PKNOX2: variants seen among roughly 807,000 people sequenced by gnomAD.
PKNOX2 encodes the protein PBX/knotted 1 homeobox 2, also known as homeobox protein PKNOX2.
A neutral mutation model predicts 53.1 loss-of-function variants in PKNOX2; 14 were observed. The ratio of observed to expected loss-of-function variants is 0.26; its 90% confidence interval spans 0.17 to 0.41. The LOEUF is 0.41. Among genes scored for constraint, PKNOX2 ranks in the 10% least tolerant of loss-of-function variants. PKNOX2 has a pLI of 1.00. For synonymous variants in PKNOX2, 257 were observed against 242.8 expected (o/e 1.06, Z -0.54); for missense variants, 496 against 602.8 (o/e 0.82, Z 1.85).
intron 10 of PKNOX2, among the ~76,000 whole-genome samples, 184 bp from the exon 11 acceptor site, chr11:125,428,828 G>A (rs930076720): frequency 2.0e-5 from 3 of 152,168 alleles, no homozygotes; most frequent in Admixed American, 6.5e-5. Flanking sequence ...CGGGCATGGG[G>A]CAACCTTCCT....
intron 1 of PKNOX2, among the ~76,000 whole-genome samples, chr11:125,187,955 A>G (rs1956557259): frequency 6.6e-6 from 1 of 152,228 alleles, no homozygotes; most frequent in Non-Finnish European, 1.5e-5. Flanking sequence ...GAAAATACCA[A>G]TTTCATGGGA....
intron 2 of PKNOX2, among the ~76,000 whole-genome samples, chr11:125,267,488 G>T (rs1945446891): frequency 6.6e-6 from 1 of 152,242 alleles, no homozygotes; most frequent in South Asian, 2.1e-4. Flanking sequence ...GGGAGAGGAA[G>T]AAGCTACTGC....
At chr11:125,314,809 C>T (rs540938375) in intron 2 of PKNOX2, among the ~76,000 whole-genome samples, 86 of 152,232 alleles carry the variant, frequency 5.6e-4, no homozygotes, top group Non-Finnish European at 1.0e-3. Context: ...GACCCAGCCC[C>T]GGGGCAGCCC....
chr11:125,324,018 A>T (rs1192003737), intron 2 of PKNOX2, among the ~76,000 whole-genome samples: 1 of 152,238 alleles, frequency 6.6e-6, no homozygotes, highest in African/African-American at 2.4e-5. Context: ...AAGCAATATT[A>T]TCAGAGCCTG....
chr11:125,403,116 G>T (rs1405200788), intron 7 of PKNOX2, among the ~76,000 whole-genome samples: 1 of 152,186 alleles, frequency 6.6e-6, no homozygotes, highest in African/African-American at 2.4e-5. Flanking sequence ...CTAGAGAGGA[G>T]ATGGGGTGAA....
chr11:125,411,286 C>T (rs1955495429), intron 9 of PKNOX2: 2 of 314,082 alleles, frequency 6.4e-6, no homozygotes, highest in Non-Finnish European at 1.2e-5. Flanking sequence ...GGATTAATAG[C>T]AACTGCACAC....
rs539654791 is a variant in PKNOX2 at position 125,305,094 on chromosome 11, C to T, written c.-129-26725C>T. On this transcript the variant is annotated intron_variant, in intron 2 of 12. Transcript: ENST00000298282. ...CTGGCCCAGCGCCACACACTCACCT[C>T]GTCTTGAAGATGGACAAGACACCCA... is the stretch of plus-strand genomic sequence containing the variant. Among the ~76,000 whole-genome samples, 5 of 152,328 alleles carry T rather than the reference C, an allele frequency of 3.3e-5. 1 individual carries two copies. In the South Asian group the frequency reaches 8.3e-4, roughly 25 times the overall value.
chr11:125,330,793 T>C (rs1231520712), intron 2 of PKNOX2, among the ~76,000 whole-genome samples: 1 of 152,250 alleles, frequency 6.6e-6, no homozygotes, highest in Non-Finnish European at 1.5e-5. Context: ...GCTCCCGGCC[T>C]GGCCCACTGT....
rs1280907864 is a variant in PKNOX2 at position 125,204,941 on chromosome 11, G to A, written c.-200-30104G>A. On this transcript the variant is annotated intron_variant, in intron 1 of 12. Coordinates refer to ENST00000298282, the MANE Select transcript of PKNOX2 (RefSeq NM_001382323.2). Reference sequence around the variant, plus strand: ...CAAAACAAGACCGTACACTCCCAGAGGATGAGCACCATGTCTGATCTTTCC... The same window carrying A: ...CAAAACAAGACCGTACACTCCCAGAAGATGAGCACCATGTCTGATCTTTCC... Among the ~76,000 whole-genome samples the A allele has an allele frequency of 4.6e-5, 7 of 152,206 alleles. No individual in the cohort carries two copies. The South Asian group carries it at 1.4e-3, about 32-fold the overall frequency.
At chr11:125,167,460 G>C (rs1459609641) in intron 1 of PKNOX2, among the ~76,000 whole-genome samples, 1 of 152,194 alleles carries the variant, frequency 6.6e-6, no homozygotes, top group Non-Finnish European at 1.5e-5. Context: ...CCCGAGGGGG[G>C]AGGGAGCCGT....
intron 1 of PKNOX2, among the ~76,000 whole-genome samples, chr11:125,220,057 A>G (rs1322417664): frequency 6.6e-6 from 1 of 152,238 alleles, no homozygotes; most frequent in Non-Finnish European, 1.5e-5. Flanking sequence ...ATGGAATACT[A>G]TTCATTTAAA....
chr11:125,171,039 A>C (rs1955278120), intron 1 of PKNOX2, among the ~76,000 whole-genome samples: 1 of 152,200 alleles, frequency 6.6e-6, no homozygotes, highest in African/African-American at 2.4e-5. Flanking sequence ...GCAGCAGGTC[A>C]CAGGGCACTG....
At chr11:125,327,276 G>C (rs370299278) in intron 2 of PKNOX2, among the ~76,000 whole-genome samples, 2 of 152,240 alleles carry the variant, frequency 1.3e-5, no homozygotes, top group South Asian at 4.1e-4. Context: ...GTCCATAGAC[G>C]GGTCCAGTAG....
chr11:125,359,296 CG>C (rs1951797427), intron 4 of PKNOX2, among the ~76,000 whole-genome samples: 1 of 152,126 alleles, frequency 6.6e-6, no homozygotes, highest in Non-Finnish European at 1.5e-5. Flanking sequence ...TGACTGTTAG[CG>C]AAGGGTCCCT....
chr11:125,401,787 GTGTA>G lies in PKNOX2; in HGVS notation c.588+3729_588+3732del, dbSNP rs1383575932. Among the ~76,000 whole-genome samples, 462 of 149,414 alleles carry G rather than the reference GTGTA, an allele frequency of 3.1e-3. 2 individuals are homozygous for G. Among genetic ancestry groups the G allele is most frequent in the African/African-American group, 9.7e-3 (385 of 39,562 alleles). ...TGTGAGTGTGTGTGTGTGTGTGTGT[GTGTA>G]TGTGTGTGCACACGCGGGCACATGC... On this transcript the variant is annotated intron_variant, in intron 7 of 12. Transcript: ENST00000298282.
chr11:125,265,145 G>C (rs1945215701), intron 2 of PKNOX2, among the ~76,000 whole-genome samples: 1 of 152,128 alleles, frequency 6.6e-6, no homozygotes, highest in Admixed American at 6.5e-5. Flanking sequence ...AAATTAGCCA[G>C]GCGTGATGGT....
At chr11:125,430,325 G>A (rs1246630521) in intron 12 of PKNOX2, among the ~76,000 whole-genome samples, 184 bp downstream of exon 12, 3 of 152,198 alleles carry the variant, frequency 2.0e-5, no homozygotes, top group Non-Finnish European at 4.4e-5. Flanking sequence ...TAATTTAACA[G>A]ACCAGATGCA....
At chr11:125,164,820 GGCGGCGGCGGC>G (rs1158688187) in intron 1 of PKNOX2, 44 bp downstream of exon 1, 3 of 178,376 alleles carry the variant, frequency 1.7e-5, no homozygotes, top group South Asian at 1.1e-4. Context: ...TTTTGCAGGC[GGCGGCGGCGGC>G]GCGGCGGCGG....
At chr11:125,304,913 G>A (rs1026105728) in intron 2 of PKNOX2, among the ~76,000 whole-genome samples, 2 of 152,218 alleles carry the variant, frequency 1.3e-5, no homozygotes, top group African/African-American at 4.8e-5. Flanking sequence ...GTAAACTGTT[G>A]AGGGTGTTAG....
Sources: gnomAD v4.1 joint callset for allele counts (sites outside exome capture counted in the v4.1 genomes callset) on GRCh38, gnomAD v4.1.1 for gene constraint, MANE v1.5 for transcripts, NCBI Gene and HGNC (gene_info 2026-07-23, HGNC 2026-07-21) for gene names.